The following MROH7 variants were observed in gnomAD, a reference collection of about 807,000 sequenced individuals.
MROH7 encodes maestro heat-like repeat-containing protein family member 7.
MROH7 carries 113 observed loss-of-function variants against 129.2 expected under a neutral mutation model. The ratio of observed to expected loss-of-function variants is 0.87; its 90% CI spans 0.75 to 1.02. MROH7 has a LOEUF of 1.02. Ranked by LOEUF, MROH7 falls within the 50% of genes least tolerant of loss-of-function variation. MROH7 has a pLI of 0.00. For synonymous variants in MROH7, 655 were observed against 667.9 expected, an observed-to-expected ratio of 0.98 and a Z score of 0.30; for missense variants, 1,601 against 1,671.3, an observed-to-expected ratio of 0.96 and a Z score of 0.73.
intron 21 of MROH7, among the ~76,000 whole-genome samples, chr1:54,706,184 T>C (rs772755781): frequency 9.2e-5 from 14 of 152,154 alleles, no homozygotes; most frequent in Non-Finnish European, 1.9e-4. Context: ...ATCTGCATTT[T>C]AGAACTTTCC....
chr1:54,689,648 G>T (rs1004269378), intron 15 of MROH7, among the ~76,000 whole-genome samples: 7 of 152,218 alleles, frequency 4.6e-5, no homozygotes, highest in Non-Finnish European at 4.4e-5. Context: ...AGTGGCCTGA[G>T]AGCTTGTCCT....
intron 18 of MROH7, 125 bp downstream of exon 18, chr1:54,700,586 C>T (rs1397119189): frequency 1.1e-5 from 10 of 884,940 alleles, no homozygotes; most frequent in Non-Finnish European, 1.7e-5. Flanking sequence ...ATCTTAGCCT[C>T]AGTTGTCCCA....
At chr1:54,678,161 G>A (rs1287431437) in intron 10 of MROH7, among the ~76,000 whole-genome samples, 2 of 152,134 alleles carry the variant, frequency 1.3e-5, no homozygotes, top group African/African-American at 4.8e-5. Flanking sequence ...TTCTGTAGCC[G>A]AACCTATGCT....
intron 3 of MROH7, chr1:54,663,705 A>C (rs1557698855): frequency 7.3e-6 from 3 of 413,764 alleles, no homozygotes; most frequent in Admixed American, 6.6e-5. Context: ...AAAAAAACAA[A>C]AAAAAAACAA....
chr1:54,663,987 G>A (rs983219838), intron 3 of MROH7: 1 of 321,238 alleles, frequency 3.1e-6, no homozygotes, highest in South Asian at 2.6e-5. Context: ...TCCTCAGAAG[G>A]AGAAAGATCC....
rs79128627 is a variant in MROH7 at position 54,642,227 on chromosome 1, G to T, written c.-110+259G>T. 6.5e-3 allele frequency among the ~76,000 whole-genome samples: 987 copies of T among 152,336 alleles called. 10 individuals carry two copies. The highest frequency in any genetic ancestry group is 9.1e-3 in the Non-Finnish European group (617 of 68,034). On this transcript the variant is annotated intron_variant, in intron 1 of 23. Coordinates refer to ENST00000421030, the MANE Select transcript of MROH7 (RefSeq NM_001039464.4). ...GGGGATGAACATTTATTGAGGACTT[G>T]CTGTGGGCCAGGCCCTGCGATCATC...
At position 54,682,787 on chromosome 1, in the gene MROH7, C is replaced by T. The variant is rs1442381698; in HGVS notation, c.2513C>T (p.Pro838Leu). 6.2e-7 allele frequency: 1 copy of T among 1,611,646 alleles called. No homozygotes were observed. ...AAGGAGGGCCGGGCTTCCATCGTGCCCCTGGCGGTGAGCACCCAGTCAGCC... is the reference window on the plus strand; with the variant it reads ...AAGGAGGGCCGGGCTTCCATCGTGCTCCTGGCGGTGAGCACCCAGTCAGCC... Reference protein sequence around the residue: ...VTKEGRASIVPLAAASGLCEL... With the variant: ...VTKEGRASIVLLAAASGLCEL... The change falls in exon 14 of 24, where the codon CCC becomes CTC. Residue 838 changes from proline to leucine, a missense_variant. Physicochemically the swap from Pro to Leu is moderately conservative, Grantham distance 98. Transcript: ENST00000421030.
At chr1:54,665,303 A>AC (rs200141664) in intron 4 of MROH7, 63 bp downstream of exon 4, 1 of 1,303,078 alleles carries the variant, frequency 7.7e-7, no homozygotes, top group Non-Finnish European at 1.1e-6. Context: ...CCAACCCCCT[A>AC]CCCCCCAGCC....
At position 54,682,853 on chromosome 1, in the gene MROH7, C is replaced by T. The variant is rs1645092300; in HGVS notation, c.2520+59C>T. 4 of 1,575,304 alleles carry T rather than the reference C, an allele frequency of 2.5e-6. No homozygotes were observed. In the Admixed American group the frequency reaches 7.0e-5, roughly 27 times the overall value. On this transcript the variant is annotated intron_variant, in intron 14 of 23. Transcript: ENST00000421030. ...CTGTCCTGCCCTTCCTCTCTCCTTC[C>T]CTCCTGCTGAGCTAAGCACACCCGG...
intron 3 of MROH7, among the ~76,000 whole-genome samples, chr1:54,661,576 ATTTGTTTGTTTGTTTG>A (rs71048703): frequency 2.0e-5 from 3 of 149,730 alleles, no homozygotes; most frequent in African/African-American, 4.9e-5. Context: ...TAAAAATATT[ATTTGTTTGTTTGTTTG>A]TTTGTTTGTT....
chr1:54,659,993 A>G (rs1405114775), intron 3 of MROH7, among the ~76,000 whole-genome samples: 1 of 152,228 alleles, frequency 6.6e-6, no homozygotes, highest in Non-Finnish European at 1.5e-5. Flanking sequence ...GCAGAGATAC[A>G]CTTATTTATG....
Position 54,695,429 on chromosome 1 carries a change from TC to T in MROH7, c.2906del (p.Pro969ArgfsTer43). On this transcript the variant is annotated frameshift_variant, in exon 17 of 24. Transcript: ENST00000421030. LOFTEE classifies it high-confidence loss of function. ...QELCRILYLL[I>X]PLLERGDEKH... is the part of the protein sequence containing the mutation. Reference sequence around the variant, plus strand: ...CTGTGCCGCATCCTCTACCTGCTCATCCCGCTCCTGGAGCGAGGCGACGAGA... The same window carrying T: ...CTGTGCCGCATCCTCTACCTGCTCATCCGCTCCTGGAGCGAGGCGACGAGA... 6.2e-7 allele frequency: 1 copy of T among 1,613,870 alleles called. No homozygotes were observed. Among genetic ancestry groups the T allele is most frequent in the African/African-American group, 1.3e-5 (1 of 75,032 alleles).
chr1:54,692,641 G>A (rs887563208), intron 16 of MROH7, 80 bp downstream of exon 16: 23 of 1,448,816 alleles, frequency 1.6e-5, no homozygotes, highest in Admixed American at 6.1e-5. Context: ...GACTTGGTCT[G>A]CATCTCTCCC....
chr1:54,710,192 C>T lies in MROH7; in HGVS notation c.*5C>T, dbSNP rs374161478. On this transcript the variant is annotated 3_prime_UTR_variant, in exon 24 of 24. Transcript: ENST00000421030. ...AAGATGTCCTTGAAGAAGTGACGTC[C>T]CTGAGCCCCAAACCCTCCTCAGGGT... is the stretch of plus-strand genomic sequence containing the variant. 7.5e-6 allele frequency: 12 copies of T among 1,609,526 alleles called. No individual in the cohort carries two copies. In the African/African-American group the frequency reaches 1.6e-4, roughly 21 times the overall value.
In MROH7 at chr1:54,653,666, C is replaced by G. The variant is rs1431005744; in HGVS notation, c.740C>G (p.Thr247Ser). ...ACCCTAATCCCAGACACAAATGAGA[C>G]CATCACTTTGGCTTCACATAATATC... is the stretch of plus-strand genomic sequence containing the variant. ...HGTLIPDTNE[T>S]ITLASHNISE... Residue 247 changes from threonine to serine, a missense_variant, in exon 3 of 24, where the codon ACC becomes AGC. Transcript: ENST00000421030. 6.2e-7 allele frequency: 1 copy of G among 1,614,140 alleles called. No individual in the cohort carries two copies. The highest frequency in any genetic ancestry group is 1.7e-5 in the Admixed American group (1 of 60,014).
intron 3 of MROH7, among the ~76,000 whole-genome samples, chr1:54,659,603 G>A (rs1644701979): frequency 6.6e-6 from 1 of 152,176 alleles, no homozygotes; most frequent in Non-Finnish European, 1.5e-5. Flanking sequence ...ACAGGCGCTA[G>A]CCACCATGCC....
At chr1:54,678,679 C>T (rs1645018767) in intron 10 of MROH7, 63 bp from the exon 11 acceptor site, 1 of 1,143,478 alleles carries the variant, frequency 8.7e-7, no homozygotes, top group Admixed American at 1.7e-5. Context: ...TAGGGACTTC[C>T]TACATGTATG....
chr1:54,706,095 C>T lies in MROH7; in HGVS notation c.3565-340C>T, dbSNP rs144045702. Among the ~76,000 whole-genome samples the T allele has an allele frequency of 4.3e-3, 659 of 152,248 alleles. 5 individuals carry two copies. The highest frequency in any genetic ancestry group is 0.015 in the African/African-American group (617 of 41,548). On this transcript the variant is annotated intron_variant, in intron 21 of 23. Transcript: ENST00000421030. ...TCCAGTTTATCCCCATTGCTCTATA[C>T]CTTGAATCCTTCACCCTGGTCAAAC... is the stretch of plus-strand genomic sequence containing the variant.
intron 14 of MROH7, among the ~76,000 whole-genome samples, chr1:54,683,821 G>A (rs1645107450): frequency 6.6e-6 from 1 of 152,164 alleles, no homozygotes; most frequent in South Asian, 2.1e-4. Context: ...TCCTTCAGCT[G>A]TCAACTCCAG....
Sources: allele counts gnomAD v4.1 joint callset (sites outside exome capture counted in the v4.1 genomes callset), GRCh38; gene constraint gnomAD v4.1.1; transcripts MANE v1.5; gene names NCBI Gene and HGNC (gene_info 2026-07-23, HGNC 2026-07-21).